TMEM272: variants seen among roughly 807,000 people sequenced by gnomAD.
TMEM272 encodes long intergenic non-protein coding RNA 282.
A neutral mutation model predicts 3.7 loss-of-function variants in TMEM272; 8 were observed. That is an observed-to-expected ratio of 2.17 (90% CI 1.27 to 3.91). TMEM272 has a LOEUF of 3.91. TMEM272 is among the 30% of genes most tolerant of loss of function. TMEM272 has a pLI of 0.00. For synonymous variants in TMEM272, 63 were observed against 39.8 expected (o/e 1.58, Z -2.20); for missense variants, 166 against 91.5 (o/e 1.81, Z -3.32).
At chr13:51,925,874 T>A in the TMEM272 span, among the ~76,000 whole-genome samples, 1 of 152,160 alleles carries the variant, frequency 6.6e-6, no homozygotes, top group Non-Finnish European at 1.5e-5. Flanking sequence ...GACAAGGAGC[T>A]CCTTCTGTCA....
the TMEM272 span, among the ~76,000 whole-genome samples, chr13:51,879,748 C>G: frequency 8.5e-5 from 13 of 152,326 alleles, no homozygotes; most frequent in East Asian, 2.5e-3. Flanking sequence ...TGCAAACGGG[C>G]ATCGTCCTCA....
the TMEM272 span, among the ~76,000 whole-genome samples, chr13:51,881,175 G>C: frequency 1.3e-5 from 2 of 152,168 alleles, no homozygotes; most frequent in Non-Finnish European, 2.9e-5. Flanking sequence ...AGGGATTTAG[G>C]TCACACATGC....
At chr13:51,905,875 G>A in the TMEM272 span, among the ~76,000 whole-genome samples, 7 of 152,186 alleles carry the variant, frequency 4.6e-5, no homozygotes, top group Non-Finnish European at 7.3e-5. Context: ...TTCTTCAATC[G>A]GATTGAGAAT....
chr13:51,910,225 T>A, the TMEM272 span: 4 of 1,278,758 alleles, frequency 3.1e-6, no homozygotes, highest in African/African-American at 5.9e-5. Flanking sequence ...CTGTTCAGCT[T>A]TTCACAGTTT....
chr13:51,902,694 C>G, the TMEM272 span, among the ~76,000 whole-genome samples: 1 of 152,208 alleles, frequency 6.6e-6, no homozygotes, highest in Middle Eastern at 3.2e-3. Context: ...CCCTGATGGA[C>G]AGTCTGTGGG....
chr13:51,930,049 T>C, the TMEM272 span, among the ~76,000 whole-genome samples: 1 of 152,196 alleles, frequency 6.6e-6, no homozygotes, highest in Non-Finnish European at 1.5e-5. Flanking sequence ...CCCGATGTGG[T>C]TCATCCACAA....
At chr13:51,854,955 C>T in the TMEM272 span, among the ~76,000 whole-genome samples, 2 of 152,082 alleles carry the variant, frequency 1.3e-5, no homozygotes, top group Non-Finnish European at 2.9e-5. Flanking sequence ...GGCAAAATAT[C>T]GTATTTGGAA....
At chr13:51,821,453 G>A (rs1473569702) in intron 4 of TMEM272, among the ~76,000 whole-genome samples, 1 of 152,072 alleles carries the variant, frequency 6.6e-6, no homozygotes, top group Non-Finnish European at 1.5e-5. Flanking sequence ...CAGCCCAGGA[G>A]CAGATTAACT....
the TMEM272 span, among the ~76,000 whole-genome samples, chr13:51,860,817 A>AAGTGTG: frequency 1.1e-5 from 1 of 91,964 alleles, no homozygotes; most frequent in African/African-American, 4.4e-5. Flanking sequence ...ATATATATAG[A>AAGTGTG]AGTGTGTGTG....
the TMEM272 span, among the ~76,000 whole-genome samples, chr13:51,931,601 C>A: frequency 5.3e-5 from 8 of 152,104 alleles, no homozygotes; most frequent in Non-Finnish European, 1.0e-4. Flanking sequence ...AACAAACCTG[C>A]ATGCTCTGCA....
the TMEM272 span, among the ~76,000 whole-genome samples, chr13:51,889,977 AG>A: frequency 6.6e-6 from 1 of 152,140 alleles, no homozygotes; most frequent in Non-Finnish European, 1.5e-5. Context: ...CCAAGAGGAT[AG>A]GAACAATTAA....
chr13:51,928,977 T>C, the TMEM272 span, among the ~76,000 whole-genome samples: 1 of 152,208 alleles, frequency 6.6e-6, no homozygotes, highest in South Asian at 2.1e-4. Flanking sequence ...GATGAGGGGA[T>C]CACGAGGTCA....
the TMEM272 span, among the ~76,000 whole-genome samples, chr13:51,907,877 A>G: frequency 8.5e-5 from 13 of 152,346 alleles, no homozygotes; most frequent in African/African-American, 3.1e-4. Flanking sequence ...ATTTGTCTAC[A>G]ACCACAGTAA....
At chr13:51,840,900 G>A (rs765266314) in intron 1 of TMEM272, among the ~76,000 whole-genome samples, 5 of 152,194 alleles carry the variant, frequency 3.3e-5, no homozygotes, top group African/African-American at 4.8e-5. Context: ...GGATTCTACC[G>A]ATCAAGGTGA....
At chr13:51,863,045 G>C in the TMEM272 span, among the ~76,000 whole-genome samples, 1 of 152,210 alleles carries the variant, frequency 6.6e-6, no homozygotes, top group African/African-American at 2.4e-5. Context: ...TGGAGGGTCC[G>C]AGTAGCTTTC....
At chr13:51,873,445 T>C in the TMEM272 span, among the ~76,000 whole-genome samples, 1 of 152,232 alleles carries the variant, frequency 6.6e-6, no homozygotes, top group Non-Finnish European at 1.5e-5. Flanking sequence ...CAGTATATAA[T>C]GCCTAACACT....
chr13:51,827,114 G>A (rs904196704), intron 2 of TMEM272, among the ~76,000 whole-genome samples: 1 of 152,152 alleles, frequency 6.6e-6, no homozygotes, highest in Non-Finnish European at 1.5e-5. Flanking sequence ...CATTCACTTG[G>A]TTATATATTC....
chr13:51,844,396 T>C (rs1956287838), intron 1 of TMEM272, among the ~76,000 whole-genome samples: 1 of 152,198 alleles, frequency 6.6e-6, no homozygotes, highest in African/African-American at 2.4e-5. Context: ...TCAAAGCAGA[T>C]GTTAACTAGT....
the TMEM272 span, among the ~76,000 whole-genome samples, chr13:51,879,520 T>C: frequency 6.6e-6 from 1 of 152,126 alleles, no homozygotes; most frequent in Non-Finnish European, 1.5e-5. Context: ...TCCAAACCCA[T>C]CTACAGAGAA....
Sources: allele counts gnomAD v4.1 joint callset (sites outside exome capture counted in the v4.1 genomes callset), GRCh38; gene constraint gnomAD v4.1.1; transcripts MANE v1.5; gene names NCBI Gene and HGNC (gene_info 2026-07-23, HGNC 2026-07-21).